The following CDHR3 variants were observed in gnomAD, a reference collection of about 807,000 sequenced individuals.
CDHR3 encodes cadherin related family member 3.
In CDHR3, 79 loss-of-function variants were observed where a neutral mutation model predicts 86.6. The ratio of observed to expected loss-of-function variants is 0.91; its 90% CI spans 0.76 to 1.10. The LOEUF (loss-of-function observed/expected upper bound fraction) is 1.10. Among genes scored for constraint, CDHR3 ranks in the 50% least tolerant of loss-of-function variants. The pLI is 0.00. For missense variants in CDHR3, 1,081 were observed against 1,077.6 expected, an observed-to-expected ratio of 1.00 and a Z score of -0.04; for synonymous variants, 421 against 402.4, an observed-to-expected ratio of 1.05 and a Z score of -0.55.
chr7:105,984,925 G>T (rs1200035600), intron 4 of CDHR3, among the ~76,000 whole-genome samples: 2 of 152,114 alleles, frequency 1.3e-5, no homozygotes, highest in Non-Finnish European at 2.9e-5. Context: ...TGGGCATGAT[G>T]GTGCGTGCTT....
At chr7:106,014,110 G>A (rs917512194) in intron 9 of CDHR3, among the ~76,000 whole-genome samples, 6 of 152,086 alleles carry the variant, frequency 3.9e-5, no homozygotes, top group South Asian at 2.1e-4. Flanking sequence ...ACAGGAGTGC[G>A]CCACTGTGCC....
Position 106,012,959 on chromosome 7 carries a change from C to G in CDHR3, c.1152C>G (p.Asn384Lys). ...GTGAGGCACCAAACAACAGATTCAA[C>G]TTCACCATGCCATCTGGAGTGGGGA... ...DDSEAPNNRF[N>K]FTMPSGVGSG... is the part of the protein sequence containing the mutation. The change falls in exon 9 of 19, where the codon AAC becomes AAG. Residue 384 changes from asparagine (N) to lysine (K), a missense_variant. Coordinates refer to ENST00000317716, the MANE Select transcript of CDHR3 (RefSeq NM_152750.5). The G allele has an allele frequency of 6.2e-7, 1 of 1,613,814 alleles. No homozygotes were observed. Among genetic ancestry groups the G allele is most frequent in the Non-Finnish European group, 8.5e-7 (1 of 1,179,816 alleles).
In CDHR3 at chr7:105,969,371, G is replaced by T. The variant is rs1229835761; in HGVS notation, c.47-5473G>T. Among the ~76,000 whole-genome samples, 15 of 128,954 alleles carry T rather than the reference G, an allele frequency of 1.2e-4. 1 individual carries two copies. Among genetic ancestry groups the T allele is most frequent in the East Asian group, 2.3e-4 (1 of 4,384 alleles). 84.6% of individuals were successfully genotyped at this position (128,954 alleles called of 152,430 possible). On this transcript the variant is annotated intron_variant, in intron 1 of 18. Coordinates refer to ENST00000317716, the MANE Select transcript of CDHR3 (RefSeq NM_152750.5). Reference sequence around the variant, plus strand: ...GCCGAGATTGCGCCACTGCACTCCAGCCTGGGCGACAGCGAGACTCCGTCT... The same window carrying T: ...GCCGAGATTGCGCCACTGCACTCCATCCTGGGCGACAGCGAGACTCCGTCT...
chr7:106,022,580 A>G, intron 14 of CDHR3, 132 bp downstream of exon 14: 1 of 1,336,858 alleles, frequency 7.5e-7, no homozygotes, highest in Non-Finnish European at 1.0e-6. Context: ...CAAAAATGGC[A>G]ACCATGGGCT....
intron 4 of CDHR3, among the ~76,000 whole-genome samples, chr7:105,986,814 A>G (rs991702053): frequency 6.6e-6 from 1 of 152,144 alleles, no homozygotes; most frequent in South Asian, 2.1e-4. Flanking sequence ...GAATTCCTTT[A>G]TGATCATGCT....
At chr7:106,014,620 G>T (rs890325907) in intron 9 of CDHR3, among the ~76,000 whole-genome samples, 1 of 152,040 alleles carries the variant, frequency 6.6e-6, no homozygotes. Flanking sequence ...CAACAAAGGG[G>T]ACCCCTATCT....
intron 1 of CDHR3, among the ~76,000 whole-genome samples, chr7:105,966,556 G>GGCTAAA (rs1246785843): frequency 6.6e-6 from 1 of 152,186 alleles, no homozygotes; most frequent in African/African-American, 2.4e-5. Context: ...CATATGAAAA[G>GGCTAAA]GCTGGAAGAT....
chr7:106,035,225 G>T lies in CDHR3; in HGVS notation c.*2528G>T, dbSNP rs1049573523. On this transcript the variant is annotated 3_prime_UTR_variant, in exon 19 of 19. Transcript: ENST00000317716. Reference sequence around the variant, plus strand: ...CAGGCACCAAGAGGGACTTCCTGAAGCCTGGGGCCTCTCTGAAGAGCTCAG... The same window carrying T: ...CAGGCACCAAGAGGGACTTCCTGAATCCTGGGGCCTCTCTGAAGAGCTCAG... 6.6e-6 allele frequency among the ~76,000 whole-genome samples: 1 copy of T among 152,190 alleles called. No individual in the cohort carries two copies. Among genetic ancestry groups the T allele is most frequent in the Non-Finnish European group, 1.5e-5 (1 of 68,034 alleles).
intron 8 of CDHR3, among the ~76,000 whole-genome samples, chr7:106,009,290 A>G (rs1284145581): frequency 6.6e-6 from 1 of 152,172 alleles, no homozygotes; most frequent in Non-Finnish European, 1.5e-5. Flanking sequence ...CTGCAGTTCC[A>G]GGGGCGGAGG....
At chr7:106,027,659 T>C (rs762923127) in intron 16 of CDHR3, 1 of 396,452 alleles carries the variant, frequency 2.5e-6, no homozygotes, top group South Asian at 1.8e-5. Context: ...GTGTTTTAAT[T>C]AAAAAAAAAA....
At chr7:106,028,678 GT>G (rs1391886015) in intron 17 of CDHR3, 96 bp downstream of exon 17, 2 of 1,346,686 alleles carry the variant, frequency 1.5e-6, no homozygotes, top group Non-Finnish European at 2.1e-6. Context: ...TTGTGGGCAT[GT>G]TTATCATTCA....
intron 1 of CDHR3, among the ~76,000 whole-genome samples, chr7:105,969,271 C>A (rs1585477694): frequency 6.7e-6 from 1 of 149,796 alleles, no homozygotes; most frequent in African/African-American, 2.5e-5. Flanking sequence ...AGGTGGCGGG[C>A]GCCTGTAGTC....
At position 106,034,535 on chromosome 7, in the gene CDHR3, T is replaced by C. The variant is rs2115946230; in HGVS notation, c.*1838T>C. Among the ~76,000 whole-genome samples, 1 of 152,324 alleles carries C rather than the reference T, an allele frequency of 6.6e-6. No homozygotes were observed. Among genetic ancestry groups the C allele is most frequent in the South Asian group, 2.1e-4 (1 of 4,830 alleles). On this transcript the variant is annotated 3_prime_UTR_variant, in exon 19 of 19. Transcript: ENST00000317716. Reference sequence around the variant, plus strand: ...TGCCTGTCCTGGCCTAGATTGAGCGTGATTTATTAATAAGGGTTGGTTGCC... The same window carrying C: ...TGCCTGTCCTGGCCTAGATTGAGCGCGATTTATTAATAAGGGTTGGTTGCC...
At chr7:106,029,327 G>A (rs1171268415) in intron 17 of CDHR3, among the ~76,000 whole-genome samples, 1 of 152,116 alleles carries the variant, frequency 6.6e-6, no homozygotes, top group African/African-American at 2.4e-5. Flanking sequence ...AAAAGTGACA[G>A]AGAAAGGGCC....
intron 10 of CDHR3, 141 bp from the exon 11 acceptor site, chr7:106,015,786 A>T (rs1289430886): frequency 1.0e-5 from 7 of 700,378 alleles, no homozygotes; most frequent in Non-Finnish European, 1.8e-5. Flanking sequence ...TCGGCATCTA[A>T]AAGGCAGGAG....
intron 3 of CDHR3, among the ~76,000 whole-genome samples, chr7:105,982,455 C>T (rs549008191): frequency 2.0e-4 from 25 of 127,566 alleles, no homozygotes; most frequent in Non-Finnish European, 3.0e-4. Flanking sequence ...GGTGATAGAG[C>T]GAGACTCTGT....
chr7:105,993,903 G>T (rs186927497), intron 4 of CDHR3, among the ~76,000 whole-genome samples: 2 of 152,232 alleles, frequency 1.3e-5, no homozygotes, highest in East Asian at 3.9e-4. Flanking sequence ...GGAGATCTGG[G>T]CAGGGTGTCA....
intron 1 of CDHR3, among the ~76,000 whole-genome samples, chr7:105,968,284 A>G (rs977728390): frequency 3.3e-5 from 5 of 152,236 alleles, no homozygotes; most frequent in African/African-American, 7.2e-5. Flanking sequence ...AAAAAGTTGC[A>G]TATGTTGAAA....
chr7:105,966,596 A>C (rs561683948), intron 1 of CDHR3, among the ~76,000 whole-genome samples: 1 of 152,376 alleles, frequency 6.6e-6, no homozygotes, highest in East Asian at 1.9e-4. Context: ...TCTTTCTGTC[A>C]GCCAATTAAC....
Sources: allele counts gnomAD v4.1 joint callset (sites outside exome capture counted in the v4.1 genomes callset), GRCh38; gene constraint gnomAD v4.1.1; transcripts MANE v1.5; gene names NCBI Gene and HGNC (gene_info 2026-07-23, HGNC 2026-07-21).